The following NKAIN2 variants were observed in gnomAD, a reference collection of about 807,000 sequenced individuals.
NKAIN2 encodes sodium/potassium-transporting ATPase subunit beta-1-interacting protein 2.
NKAIN2 carries 14 observed loss-of-function variants against 32.6 expected under a neutral mutation model. The observed-to-expected ratio is 0.43, with a 90% CI of 0.28 to 0.67. NKAIN2 has a LOEUF of 0.67. NKAIN2 is among the 30% of genes least tolerant of loss of function. The pLI, the probability that NKAIN2 is intolerant of heterozygous loss-of-function variation, is 0.17. For synonymous variants in NKAIN2, 80 were observed against 87.2 expected, an observed-to-expected ratio of 0.92 and a Z score of 0.46; for missense variants, 198 against 258.3, an observed-to-expected ratio of 0.77 and a Z score of 1.60.
intron 4 of NKAIN2, among the ~76,000 whole-genome samples, chr6:124,766,275 A>T (rs1191662067): frequency 6.6e-6 from 1 of 152,124 alleles, no homozygotes; most frequent in African/African-American, 2.4e-5. Flanking sequence ...GACTTTTGAG[A>T]CTGTCGAGAT....
At chr6:124,333,591 C>G (rs373496172) in intron 2 of NKAIN2, among the ~76,000 whole-genome samples, 1 of 151,862 alleles carries the variant, frequency 6.6e-6, no homozygotes, top group Non-Finnish European at 1.5e-5. Flanking sequence ...ACCTGGGAGG[C>G]GGAGGTTGCA....
chr6:123,980,141 T>C (rs7740067), intron 1 of NKAIN2, among the ~76,000 whole-genome samples: 16,023 of 152,228 alleles, frequency 0.11, 2,776 homozygotes, highest in African/African-American at 0.36. Flanking sequence ...GTTGTTTTCT[T>C]TGTGTTTCAT....
intron 4 of NKAIN2, among the ~76,000 whole-genome samples, chr6:124,725,060 C>A (rs2114641866): frequency 6.6e-6 from 1 of 152,304 alleles, no homozygotes; most frequent in South Asian, 2.1e-4. Flanking sequence ...CGACTTGCCC[C>A]TTTCTTCCTT....
At chr6:123,850,577 C>G (rs1001535828) in intron 1 of NKAIN2, among the ~76,000 whole-genome samples, 3 of 152,058 alleles carry the variant, frequency 2.0e-5, no homozygotes, top group African/African-American at 7.2e-5. Flanking sequence ...GAGTTCACTT[C>G]TAACTTTGTT....
At chr6:124,694,422 G>A (rs12663486) in intron 4 of NKAIN2, among the ~76,000 whole-genome samples, 8,680 of 152,200 alleles carry the variant, frequency 0.057, 336 homozygotes, top group African/African-American at 0.1. Context: ...AATTGGAACC[G>A]GCAGGAGTAA....
chr6:124,633,806 G>A (rs550326176), intron 3 of NKAIN2, among the ~76,000 whole-genome samples: 1 of 152,260 alleles, frequency 6.6e-6, no homozygotes, highest in East Asian at 1.9e-4. Context: ...AGTCCTCTGA[G>A]GGCCTACCTC....
At chr6:123,986,193 C>T (rs1220962770) in intron 1 of NKAIN2, among the ~76,000 whole-genome samples, 1 of 152,132 alleles carries the variant, frequency 6.6e-6, no homozygotes, top group African/African-American at 2.4e-5. Context: ...AAGTCTAATA[C>T]AACAGAGTAG....
At chr6:124,349,542 A>G (rs1031976713) in intron 2 of NKAIN2, among the ~76,000 whole-genome samples, 1 of 152,166 alleles carries the variant, frequency 6.6e-6, no homozygotes, top group Non-Finnish European at 1.5e-5. Flanking sequence ...ATATTAGGAG[A>G]GTTACTCAGT....
chr6:124,787,476 G>C (rs1238450098), intron 4 of NKAIN2, among the ~76,000 whole-genome samples: 1 of 152,196 alleles, frequency 6.6e-6, no homozygotes, highest in Middle Eastern at 3.4e-3. Flanking sequence ...GGAGGTGCAA[G>C]GCTGACTAGG....
intron 3 of NKAIN2, among the ~76,000 whole-genome samples, chr6:124,620,362 G>T (rs1171301669): frequency 6.6e-6 from 1 of 152,058 alleles, no homozygotes; most frequent in Non-Finnish European, 1.5e-5. Flanking sequence ...TATTGTGTAT[G>T]ATTTTTAGAC....
intron 3 of NKAIN2, among the ~76,000 whole-genome samples, chr6:124,579,796 A>C (rs1781457656): frequency 6.6e-6 from 1 of 152,214 alleles, no homozygotes. Context: ...CAAACTACCA[A>C]AGGTCAAGGA....
intron 3 of NKAIN2, among the ~76,000 whole-genome samples, chr6:124,578,104 A>G (rs1033018048): frequency 4.0e-5 from 6 of 150,988 alleles, no homozygotes; most frequent in Non-Finnish European, 8.8e-5. Flanking sequence ...ACTCAGAGAC[A>G]AGCTGGCTTC....
chr6:123,950,659 C>G (rs1185516176), intron 1 of NKAIN2, among the ~76,000 whole-genome samples: 1 of 151,502 alleles, frequency 6.6e-6, no homozygotes, highest in Non-Finnish European at 1.5e-5. Context: ...TTTTTCATTT[C>G]TGATTTTGTT....
intron 3 of NKAIN2, among the ~76,000 whole-genome samples, chr6:124,469,660 C>G (rs1776895732): frequency 1.3e-5 from 2 of 152,146 alleles, no homozygotes; most frequent in Admixed American, 6.5e-5. Flanking sequence ...AATTCACACT[C>G]CATCTAAACT....
chr6:124,019,261 C>T (rs570446545), intron 1 of NKAIN2, among the ~76,000 whole-genome samples: 1 of 152,108 alleles, frequency 6.6e-6, no homozygotes, highest in Non-Finnish European at 1.5e-5. Context: ...ACCTTGGTAC[C>T]CTTTCTAGCC....
At chr6:124,261,866 C>CAA (rs1233407177) in intron 1 of NKAIN2, among the ~76,000 whole-genome samples, 1 of 124,542 alleles carries the variant, frequency 8.0e-6, no homozygotes. Flanking sequence ...CCATCTCACA[C>CAA]AAAAAAAAAA....
At chr6:124,320,518 A>G (rs1171978900) in intron 2 of NKAIN2, among the ~76,000 whole-genome samples, 2 of 152,176 alleles carry the variant, frequency 1.3e-5, no homozygotes, top group Admixed American at 1.3e-4. Context: ...CCCCCAATAC[A>G]TATTTCAATG....
Position 123,909,411 on chromosome 6 carries a change from A to G in NKAIN2, c.54+105157A>G, listed in dbSNP as rs548012218. ...TGGGACTACTTCACAGGAAAAAACG[A>G]ATATCCTTGAGAGAGGCTACAAGGC... On this transcript the variant is annotated intron_variant, in intron 1 of 6. Transcript: ENST00000368417. 2.2e-4 allele frequency among the ~76,000 whole-genome samples: 33 copies of G among 152,122 alleles called. 1 individual carries two copies. Among genetic ancestry groups the G allele is most frequent in the Non-Finnish European group, 3.4e-4 (23 of 67,984 alleles).
chr6:123,900,387 C>T (rs367935233), intron 1 of NKAIN2, among the ~76,000 whole-genome samples: 12 of 151,756 alleles, frequency 7.9e-5, no homozygotes, highest in Admixed American at 4.6e-4. Context: ...GTCGGACAAT[C>T]GCTTGAACCC....
Sources: allele counts gnomAD v4.1 joint callset (sites outside exome capture counted in the v4.1 genomes callset), GRCh38; gene constraint gnomAD v4.1.1; transcripts MANE v1.5; gene names NCBI Gene and HGNC (gene_info 2026-07-23, HGNC 2026-07-21).